Variants in ADAM10 observed in about 807,000 individuals in gnomAD.
The protein encoded by ADAM10 is disintegrin and metalloproteinase domain-containing protein 10.
ADAM10 carries 17 observed loss-of-function variants against 90.1 expected under a neutral mutation model. The observed-to-expected ratio is 0.19, with a 90% confidence interval of 0.13 to 0.28. The LOEUF is 0.28. ADAM10 is among the 10% of genes least tolerant of loss of function. The probability of loss-of-function intolerance (pLI) is 1.00; values close to 1 mark genes in which losing one functional copy is unlikely to be tolerated. For synonymous variants in ADAM10, 310 were observed against 298.6 expected (o/e 1.04, Z -0.40); for missense variants, 610 against 914.3 (o/e 0.67, Z 4.29).
Position 58,749,545 on chromosome 15 carries a change from C to G in ADAM10, c.-11G>C. 10 of 1,551,702 alleles carry G rather than the reference C, an allele frequency of 6.4e-6. No individual in the cohort carries two copies. Among genetic ancestry groups the G allele is most frequent in the Non-Finnish European group, 8.7e-6 (10 of 1,147,114 alleles). ...TCTCAGCAACACCATCTTCCGCTGC[C>G]GCTGCCGCCGCCGCCGCCTCCTCAC... On this transcript the variant is annotated 5_prime_UTR_variant, in exon 1 of 16. Transcript: ENST00000260408.
In ADAM10 at chr15:58,590,152, C is replaced by A. The variant is rs1165975367; in HGVS notation, c.*7395G>T. 6.6e-6 allele frequency: 1 copy of A among 152,202 alleles called. No homozygotes were observed. Among genetic ancestry groups the A allele is most frequent in the Non-Finnish European group, 1.5e-5 (1 of 68,040 alleles). The allele number at this position is 152,202 out of a possible 1,614,324, so 9.4% of individuals were successfully genotyped here. A position where few individuals can be genotyped will look rare whatever the true frequency, so the allele number is the denominator to read the frequency against. Reference sequence around the variant, plus strand: ...ATCACTTTCATAAGGAATTCTCTGACCTTCCTGATGTCCCACCCTCCTTTC... The same window carrying A: ...ATCACTTTCATAAGGAATTCTCTGAACTTCCTGATGTCCCACCCTCCTTTC... On this transcript the variant is annotated 3_prime_UTR_variant, in exon 16 of 16. Transcript: ENST00000260408.
At chr15:58,613,802 G>C (rs767107656) in intron 11 of ADAM10, among the ~76,000 whole-genome samples, 5 of 152,132 alleles carry the variant, frequency 3.3e-5, no homozygotes, top group African/African-American at 4.8e-5. Flanking sequence ...ACCACCAAGT[G>C]AATAAATTTT....
chr15:58,609,569 G>A (rs1297261172), intron 14 of ADAM10: 2 of 153,204 alleles, frequency 1.3e-5, no homozygotes, highest in Non-Finnish European at 2.9e-5. Context: ...AGGGGAATGT[G>A]AGTTATAAGT....
chr15:58,612,574 G>A (rs1895473295), intron 11 of ADAM10, among the ~76,000 whole-genome samples: 2 of 152,070 alleles, frequency 1.3e-5, no homozygotes, highest in South Asian at 4.1e-4. Context: ...GCTGCACCTG[G>A]TCTCACAGAC....
chr15:58,740,227 T>C (rs565359282), intron 1 of ADAM10, among the ~76,000 whole-genome samples: 1 of 152,096 alleles, frequency 6.6e-6, no homozygotes, highest in Non-Finnish European at 1.5e-5. Context: ...CTGGCCAACA[T>C]GGTGAAACCC....
Position 58,627,423 on chromosome 15 carries a change from A to C in ADAM10, c.1360+277T>G, listed in dbSNP as rs908583827. ...GCATTTCACTTATGCAGAAAACAGA[A>C]AAAGAACTATAAACAATATTGAACT... On this transcript the variant is annotated intron_variant, in intron 10 of 15. Coordinates refer to ENST00000260408, the MANE Select transcript of ADAM10 (RefSeq NM_001110.4). 2.0e-5 allele frequency among the ~76,000 whole-genome samples: 3 copies of C among 152,138 alleles called. No homozygotes were observed. The South Asian group carries it at 6.2e-4, about 31-fold the overall frequency.
At chr15:58,726,192 ATAT>A (rs1416422817) in intron 1 of ADAM10, among the ~76,000 whole-genome samples, 1 of 152,222 alleles carries the variant, frequency 6.6e-6, no homozygotes, top group Non-Finnish European at 1.5e-5. Context: ...AAGTGAAGTA[ATAT>A]TATTTGAAAG....
intron 11 of ADAM10, among the ~76,000 whole-genome samples, chr15:58,615,606 T>A (rs141880932): frequency 0.011 from 1,655 of 152,114 alleles, 25 homozygotes; most frequent in Non-Finnish European, 0.015. Context: ...TCTAAAGACA[T>A]ATATAGACTA....
chr15:58,598,292 A>C (rs1895011634), intron 15 of ADAM10, among the ~76,000 whole-genome samples: 1 of 152,234 alleles, frequency 6.6e-6, no homozygotes, highest in Non-Finnish European at 1.5e-5. Flanking sequence ...AAAATGTTTC[A>C]CTGAATAAGA....
chr15:58,610,458 G>A lies in ADAM10; in HGVS notation c.1864C>T (p.Arg622Ter). 1 of 1,614,068 alleles carries A rather than the reference G, an allele frequency of 6.2e-7. No individual in the cohort carries two copies. Among genetic ancestry groups the A allele is most frequent in the Non-Finnish European group, 8.5e-7 (1 of 1,180,022 alleles). The change falls in exon 14 of 16, where the codon CGA (arginine) becomes TGA (stop). Residue 622 changes from arginine to a stop codon, truncating the protein, a stop_gained. Coordinates refer to ENST00000260408, the MANE Select transcript of ADAM10 (RefSeq NM_001110.4). LOFTEE classifies it high-confidence loss of function. Reference protein sequence around the residue: ...SVQWSRHFSGRTITLQPGSPC... With the variant: ...SVQWSRHFSG ...GATCCAGGTTGCAGGGTGATGGTTC[G>A]ACCACTGAAGTGCCTACTCCACTGC...
chr15:58,654,228 T>A (rs1896757030), intron 5 of ADAM10, among the ~76,000 whole-genome samples: 1 of 152,220 alleles, frequency 6.6e-6, no homozygotes, highest in Non-Finnish European at 1.5e-5. Context: ...TTATTATTTC[T>A]TTTCTTCTAC....
At chr15:58,693,705 A>AT (rs1182921307) in intron 2 of ADAM10, among the ~76,000 whole-genome samples, 1 of 149,506 alleles carries the variant, frequency 6.7e-6, no homozygotes, top group Non-Finnish European at 1.5e-5. Flanking sequence ...AAAGAAAAAA[A>AT]TTTTTTCATT....
In ADAM10 at chr15:58,749,477, C is replaced by T. The variant is rs572544878; in HGVS notation, c.55+3G>A. The T allele has an allele frequency of 2.4e-5, 37 of 1,547,188 alleles. No homozygotes were observed. In the East Asian group the frequency reaches 9.0e-4, roughly 38 times the overall value. Reference sequence around the variant, plus strand: ...GCCCCCGGCGCTCGCAGTCGTGCCTCACCTCCCATCCCCGCCGCCCAGGAG... The same window carrying T: ...GCCCCCGGCGCTCGCAGTCGTGCCTTACCTCCCATCCCCGCCGCCCAGGAG... On this transcript the variant is annotated splice_donor_region_variant and intron_variant, in intron 1 of 15. Coordinates refer to ENST00000260408, the MANE Select transcript of ADAM10 (RefSeq NM_001110.4).
chr15:58,619,631 G>A (rs1037122239), intron 11 of ADAM10, among the ~76,000 whole-genome samples: 11 of 152,140 alleles, frequency 7.2e-5, no homozygotes, highest in Admixed American at 2.6e-4. Context: ...GGGGCCGGGT[G>A]CAGTGGCTCA....
At chr15:58,661,776 TG>T (rs1300819541) in intron 5 of ADAM10, among the ~76,000 whole-genome samples, 1 of 152,216 alleles carries the variant, frequency 6.6e-6, no homozygotes, top group Non-Finnish European at 1.5e-5. Flanking sequence ...ATTTTCCCTC[TG>T]TGCTTAGATA....
intron 2 of ADAM10, among the ~76,000 whole-genome samples, chr15:58,685,545 A>AATAGATAT (rs1897568614): frequency 8.6e-6 from 1 of 116,218 alleles, no homozygotes; most frequent in Non-Finnish European, 1.9e-5. Flanking sequence ...TATGAAGGAG[A>AATAGATAT]ATATATATAT....
intron 4 of ADAM10, among the ~76,000 whole-genome samples, chr15:58,666,457 T>A (rs1897085162): frequency 6.6e-6 from 1 of 151,718 alleles, no homozygotes; most frequent in South Asian, 2.1e-4. Context: ...ATTTCCAGAG[T>A]CTATTCTCAA....
chr15:58,612,089 C>A, intron 11 of ADAM10, 98 bp from the exon 12 acceptor site: 2 of 1,207,200 alleles, frequency 1.7e-6, no homozygotes, highest in Non-Finnish European at 2.4e-6. Flanking sequence ...GACATAGTAC[C>A]AATTTTTAAA....
chr15:58,692,719 G>A (rs1897859895), intron 2 of ADAM10: 1 of 569,252 alleles, frequency 1.8e-6, no homozygotes, highest in South Asian at 1.4e-5. Context: ...GGAACTCCCA[G>A]CAGAAGATAC....
Sources: gnomAD v4.1 joint callset for allele counts (sites outside exome capture counted in the v4.1 genomes callset) on GRCh38, gnomAD v4.1.1 for gene constraint, MANE v1.5 for transcripts, NCBI Gene and HGNC (gene_info 2026-07-23, HGNC 2026-07-21) for gene names.